TEC: variants seen among roughly 807,000 people sequenced by gnomAD.
TEC encodes the protein tec protein tyrosine kinase.
TEC carries 72 observed loss-of-function variants against 93.0 expected under a neutral mutation model. The ratio of observed to expected loss-of-function variants is 0.77; its 90% CI spans 0.64 to 0.94. The LOEUF (loss-of-function observed/expected upper bound fraction) is 0.94, where lower values mean the gene tolerates loss of function less well. Ranked by LOEUF, TEC falls within the 40% of genes least tolerant of loss-of-function variation. The pLI, the probability that TEC is intolerant of heterozygous loss-of-function variation, is 0.00. For missense variants in TEC, 630 were observed against 757.9 expected, an observed-to-expected ratio of 0.83 and a Z score of 1.98; for synonymous variants, 249 against 247.7, an observed-to-expected ratio of 1.01 and a Z score of -0.05.
intron 2 of TEC, among the ~76,000 whole-genome samples, chr4:48,220,002 C>T (rs1577649801): frequency 6.6e-6 from 1 of 151,842 alleles, no homozygotes; most frequent in African/African-American, 2.4e-5. Flanking sequence ...TATCAAGGTT[C>T]GAATTCTAAT....
Position 48,137,340 on chromosome 4 carries a change from C to G in TEC, c.*76G>C. 8.5e-7 allele frequency: 1 copy of G among 1,170,104 alleles called. No homozygotes were observed. The highest frequency in any genetic ancestry group is 1.3e-6 in the Non-Finnish European group (1 of 791,310). 72.5% of individuals were successfully genotyped at this position (1,170,104 alleles called of 1,614,324 possible). ...GTAAAATGATCTACATGTCCAAGTG[C>G]TCAATAAATTAAAAGCCACAAAATG... is the stretch of plus-strand genomic sequence containing the variant. On this transcript the variant is annotated 3_prime_UTR_variant, in exon 18 of 18. Coordinates refer to ENST00000381501, the MANE Select transcript of TEC (RefSeq NM_003215.3).
At chr4:48,162,898 A>C (rs895682872) in intron 8 of TEC, among the ~76,000 whole-genome samples, 1 of 152,232 alleles carries the variant, frequency 6.6e-6, no homozygotes, top group African/African-American at 2.4e-5. Context: ...AAATAATACA[A>C]GTTATCTGGA....
intron 9 of TEC, among the ~76,000 whole-genome samples, chr4:48,154,645 A>G (rs984788786): frequency 5.9e-5 from 9 of 152,182 alleles, no homozygotes; most frequent in African/African-American, 2.2e-4. Context: ...AAATGAAGGG[A>G]AAAAATGATA....
intron 9 of TEC, among the ~76,000 whole-genome samples, chr4:48,152,929 A>G (rs1201533709): frequency 6.6e-6 from 1 of 152,226 alleles, no homozygotes; most frequent in African/African-American, 2.4e-5. Flanking sequence ...ATAACTAAAT[A>G]GAATACTAAA....
At chr4:48,265,426 TAC>T (rs1218496661) in intron 1 of TEC, among the ~76,000 whole-genome samples, 14 of 123,306 alleles carry the variant, frequency 1.1e-4, no homozygotes, top group South Asian at 2.9e-4. Flanking sequence ...CACATATATA[TAC>T]ACACACACAT....
Position 48,208,049 on chromosome 4 carries a change from T to G in TEC, c.138+20428A>C, listed in dbSNP as rs562757913. On this transcript the variant is annotated intron_variant, in intron 2 of 17. Transcript: ENST00000381501. ...GTGAGAACAGAGTGATACACCCATC[T>G]GTGGTCCAGGCAGGCTCAGAACTTG... 1.7e-4 allele frequency among the ~76,000 whole-genome samples: 26 copies of G among 152,302 alleles called. No individual in the cohort carries two copies. In the Middle Eastern group the frequency reaches 0.014, roughly 80 times the overall value.
At chr4:48,228,805 G>T in intron 1 of TEC, 146 bp from the exon 2 acceptor site, 2 of 564,032 alleles carry the variant, frequency 3.5e-6, no homozygotes, top group Non-Finnish European at 5.7e-6. Flanking sequence ...AATGCCTGGG[G>T]CACAAAAATT....
chr4:48,138,003 C>G (rs1413018547), intron 17 of TEC, among the ~76,000 whole-genome samples: 1 of 152,176 alleles, frequency 6.6e-6, no homozygotes, highest in Admixed American at 6.5e-5. Flanking sequence ...GGAGGCAGTA[C>G]AGCAAGTGGT....
intron 3 of TEC, among the ~76,000 whole-genome samples, chr4:48,174,638 G>A (rs189091339): frequency 1.3e-5 from 2 of 149,550 alleles, no homozygotes; most frequent in East Asian, 4.1e-4. Flanking sequence ...CAGCCTGGGT[G>A]ACAAAGGAAG....
intron 2 of TEC, among the ~76,000 whole-genome samples, chr4:48,226,235 A>C (rs1458894124): frequency 1.3e-5 from 2 of 151,240 alleles, no homozygotes; most frequent in African/African-American, 4.9e-5. Context: ...GACTTTTTTC[A>C]TTAGTAAAAA....
intron 9 of TEC, among the ~76,000 whole-genome samples, chr4:48,152,192 G>A (rs970641707): frequency 2.0e-5 from 3 of 152,076 alleles, no homozygotes; most frequent in Admixed American, 2.0e-4. Context: ...TTGGGAGGCC[G>A]AGGCAGGCAG....
chr4:48,246,373 G>T (rs1724056289), intron 1 of TEC, among the ~76,000 whole-genome samples: 1 of 151,896 alleles, frequency 6.6e-6, no homozygotes, highest in Non-Finnish European at 1.5e-5. Flanking sequence ...CAGATTCAAT[G>T]AATTCTCTAT....
At chr4:48,183,565 T>C (rs1213749259) in intron 2 of TEC, among the ~76,000 whole-genome samples, 1 of 152,226 alleles carries the variant, frequency 6.6e-6, no homozygotes, top group Non-Finnish European at 1.5e-5. Context: ...GGGATGTCCA[T>C]CTTCTCCTGC....
At chr4:48,260,039 A>G in intron 1 of TEC, among the ~76,000 whole-genome samples, 1 of 152,138 alleles carries the variant, frequency 6.6e-6, no homozygotes, top group East Asian at 1.9e-4. Flanking sequence ...AAGTTTTCCT[A>G]TAGACATCCA....
At chr4:48,197,618 G>C (rs775623094) in intron 2 of TEC, among the ~76,000 whole-genome samples, 1 of 152,174 alleles carries the variant, frequency 6.6e-6, no homozygotes, top group African/African-American at 2.4e-5. Context: ...ACCAGAGATG[G>C]GGAGCTGAGG....
intron 1 of TEC, among the ~76,000 whole-genome samples, chr4:48,265,456 C>CATATATACAT (rs1195760613): frequency 4.8e-5 from 2 of 41,886 alleles, no homozygotes; most frequent in South Asian, 1.5e-3. Context: ...TATATATATA[C>CATATATACAT]ATATATACAC....
intron 11 of TEC, among the ~76,000 whole-genome samples, chr4:48,146,734 C>T (rs1379873554): frequency 6.6e-6 from 1 of 152,130 alleles, no homozygotes; most frequent in African/African-American, 2.4e-5. Context: ...GGAAGTTATT[C>T]ACCTGACATG....
intron 2 of TEC, among the ~76,000 whole-genome samples, chr4:48,215,791 T>A (rs527733690): frequency 6.6e-6 from 1 of 151,988 alleles, no homozygotes; most frequent in East Asian, 1.9e-4. Context: ...AGAATTAGAG[T>A]CCTTATCCAC....
chr4:48,161,887 G>A (rs539011148), intron 8 of TEC, among the ~76,000 whole-genome samples: 17 of 152,198 alleles, frequency 1.1e-4, no homozygotes, highest in Admixed American at 3.3e-4. Flanking sequence ...TCCTTCTCCC[G>A]TACTGGATGC....
Sources: allele counts gnomAD v4.1 joint callset (sites outside exome capture counted in the v4.1 genomes callset), GRCh38; gene constraint gnomAD v4.1.1; transcripts MANE v1.5; gene names NCBI Gene and HGNC (gene_info 2026-07-23, HGNC 2026-07-21).